The following IDE variants were observed in gnomAD, a reference collection of about 807,000 sequenced individuals.
The protein encoded by IDE is insulin-degrading enzyme.
In IDE, 58 loss-of-function variants were observed where a neutral mutation model predicts 133.2. The observed-to-expected ratio is 0.44, with a 90% CI of 0.35 to 0.54. IDE has a LOEUF of 0.54. Among genes scored for constraint, IDE ranks in the 20% least tolerant of loss-of-function variants. IDE has a pLI of 0.00. For synonymous variants in IDE, 396 were observed against 421.3 expected, an observed-to-expected ratio of 0.94 and a Z score of 0.73; for missense variants, 981 against 1,234.0, an observed-to-expected ratio of 0.79 and a Z score of 3.07.
intron 4 of IDE, among the ~76,000 whole-genome samples, chr10:92,524,349 TAATATATTTTATATTATAATA>T: frequency 3.4e-5 from 1 of 29,406 alleles, no homozygotes; most frequent in Admixed American, 6.3e-4. Flanking sequence ...ATATTATATA[TAATATATTTTATATTATAATA>T]TATATTATAT....
At chr10:92,524,363 T>A (rs10882076) in intron 4 of IDE, among the ~76,000 whole-genome samples, 1 of 9,662 alleles carries the variant, frequency 1.0e-4, no homozygotes, top group Non-Finnish European at 2.0e-4. Flanking sequence ...ATATTTTATA[T>A]TATAATATAT....
chr10:92,486,930 C>T (rs1847032308), intron 13 of IDE, among the ~76,000 whole-genome samples: 1 of 152,216 alleles, frequency 6.6e-6, no homozygotes, highest in South Asian at 2.1e-4. Flanking sequence ...TTTCCACAGA[C>T]TTGTGGTTAC....
chr10:92,475,742 G>C, intron 16 of IDE, 142 bp downstream of exon 16: 1 of 478,574 alleles, frequency 2.1e-6, no homozygotes, highest in South Asian at 3.3e-5. Flanking sequence ...ATTTTGCAAT[G>C]ACAAGGTGAG....
chr10:92,557,189 T>C (rs2135787997), intron 1 of IDE, among the ~76,000 whole-genome samples: 1 of 152,274 alleles, frequency 6.6e-6, no homozygotes, highest in East Asian at 1.9e-4. Context: ...TCAAACTGCC[T>C]GACTTCAAAA....
intron 19 of IDE, among the ~76,000 whole-genome samples, chr10:92,468,409 T>A (rs941385125): frequency 1.5e-4 from 23 of 152,290 alleles, no homozygotes; most frequent in African/African-American, 5.5e-4. Context: ...TAAACCCCAA[T>A]ATATAAATTC....
intron 7 of IDE, among the ~76,000 whole-genome samples, 169 bp downstream of exon 7, chr10:92,508,559 G>GAAAAAAAAA (rs5787000): frequency 6.9e-5 from 9 of 130,594 alleles, no homozygotes; most frequent in Admixed American, 7.8e-5. Flanking sequence ...ATCTAAAAAA[G>GAAAAAAAAA]AAAAAAAAAA....
intron 1 of IDE, among the ~76,000 whole-genome samples, chr10:92,538,625 CA>C (rs1842138228): frequency 6.6e-6 from 1 of 152,134 alleles, no homozygotes; most frequent in South Asian, 2.1e-4. Context: ...GGCTAGATTA[CA>C]GTGATGGGAA....
chr10:92,529,074 C>CA (rs545825983), intron 4 of IDE, among the ~76,000 whole-genome samples: 26 of 150,856 alleles, frequency 1.7e-4, no homozygotes, highest in South Asian at 8.4e-4. Context: ...AAGACTGTCT[C>CA]AAAAAAAACA....
At chr10:92,560,417 G>A (rs1464332951) in intron 1 of IDE, among the ~76,000 whole-genome samples, 1 of 152,078 alleles carries the variant, frequency 6.6e-6, no homozygotes, top group African/African-American at 2.4e-5. Context: ...TCGTCTTCTT[G>A]ACTTACTGTA....
chr10:92,485,125 CTTTTTTT>C (rs34615998), intron 13 of IDE, among the ~76,000 whole-genome samples: 2 of 100,856 alleles, frequency 2.0e-5, no homozygotes, highest in Non-Finnish European at 3.8e-5. Context: ...TTCTTTCTTT[CTTTTTTT>C]TTTTTTTTTT....
intron 4 of IDE, among the ~76,000 whole-genome samples, chr10:92,531,441 T>G (rs990625140): frequency 6.6e-6 from 1 of 152,160 alleles, no homozygotes; most frequent in Non-Finnish European, 1.5e-5. Flanking sequence ...CAAAAAAAAG[T>G]ACTTTGGAAG....
At chr10:92,556,015 T>C (rs1842984438) in intron 1 of IDE, among the ~76,000 whole-genome samples, 1 of 149,762 alleles carries the variant, frequency 6.7e-6, no homozygotes, top group South Asian at 2.1e-4. Context: ...CTACTAAAAA[T>C]ACAAAAAATT....
intron 1 of IDE, among the ~76,000 whole-genome samples, chr10:92,557,283 T>C (rs1290284457): frequency 3.3e-5 from 5 of 152,146 alleles, no homozygotes; most frequent in Non-Finnish European, 7.4e-5. Context: ...ACACCTGTAA[T>C]CCCAGCACTT....
At chr10:92,551,607 A>C (rs1842786829) in intron 1 of IDE, among the ~76,000 whole-genome samples, 1 of 151,924 alleles carries the variant, frequency 6.6e-6, no homozygotes, top group Non-Finnish European at 1.5e-5. Context: ...AGCTAATCAC[A>C]AAAGGACAAA....
chr10:92,479,286 A>G lies in IDE; in HGVS notation c.1875T>C (p.Tyr625=). The G allele has an allele frequency of 6.2e-7, 1 of 1,611,352 alleles. No individual in the cohort carries two copies. Among genetic ancestry groups the G allele is most frequent in the Non-Finnish European group, 8.5e-7 (1 of 1,177,656 alleles). The change falls in exon 15 of 25, where the codon TAT becomes TAC. Residue 625 remains tyrosine, a synonymous_variant. Coordinates refer to ENST00000265986, the MANE Select transcript of IDE (RefSeq NM_004969.4). Reference sequence around the variant, plus strand: ...AGGCGTGGGTACTTACATACATCCCATAGATGGTATTTTGGAGATCATAGC... The same window carrying G: ...AGGCGTGGGTACTTACATACATCCCGTAGATGGTATTTTGGAGATCATAGC... ...GLSYDLQNTI[Y]GMYLSVKGYN...
intron 1 of IDE, among the ~76,000 whole-genome samples, chr10:92,556,147 T>TC (rs1842993839): frequency 8.5e-6 from 1 of 117,664 alleles, no homozygotes; most frequent in Non-Finnish European, 1.6e-5. Flanking sequence ...CAGTCCGCAG[T>TC]CCGGCCTGGG....
intron 11 of IDE, among the ~76,000 whole-genome samples, chr10:92,495,864 A>T (rs568474005): frequency 6.6e-6 from 1 of 152,046 alleles, no homozygotes; most frequent in South Asian, 2.1e-4. Flanking sequence ...GAAAAATGCT[A>T]AAAACCATTT....
At position 92,542,177 on chromosome 10, in the gene IDE, T is replaced by C. The variant is rs145469343; in HGVS notation, c.99-4627A>G. On this transcript the variant is annotated intron_variant, in intron 1 of 24. Coordinates refer to ENST00000265986, the MANE Select transcript of IDE (RefSeq NM_004969.4). Reference sequence around the variant, plus strand: ...TAAAAACAGGTCATTATCTTTTTTTTCTACTTTTTGAGACAAGGTTTCACT... The same window carrying C: ...TAAAAACAGGTCATTATCTTTTTTTCCTACTTTTTGAGACAAGGTTTCACT... 3.7e-3 allele frequency among the ~76,000 whole-genome samples: 565 copies of C among 152,326 alleles called. 6 individuals are homozygous for C. The highest frequency in any genetic ancestry group is 0.013 in the African/African-American group (530 of 41,570).
chr10:92,573,014 T>C, intron 1 of IDE: 1 of 985,284 alleles, frequency 1.0e-6, no homozygotes, highest in Non-Finnish European at 1.2e-6. Flanking sequence ...TCCAGCACAG[T>C]GCCCTGCACT....
Sources: allele counts gnomAD v4.1 joint callset (sites outside exome capture counted in the v4.1 genomes callset), GRCh38; gene constraint gnomAD v4.1.1; transcripts MANE v1.5; gene names NCBI Gene and HGNC (gene_info 2026-07-23, HGNC 2026-07-21).